The following ZC3H12B variants were observed in gnomAD, a reference collection of about 807,000 sequenced individuals.
ZC3H12B encodes the protein probable ribonuclease ZC3H12B.
Under a neutral mutation model 43.9 loss-of-function variants are expected in ZC3H12B, and 7 were observed. The observed-to-expected ratio is 0.16, with a 90% CI of 0.09 to 0.30. The LOEUF is 0.30. ZC3H12B is among the 10% of genes least tolerant of loss of function. ZC3H12B has a pLI of 1.00. For synonymous variants in ZC3H12B, 222 were observed against 241.7 expected (o/e 0.92, Z 0.76); for missense variants, 475 against 670.2 (o/e 0.71, Z 3.22).
the ZC3H12B span, among the ~76,000 whole-genome samples, chrX:65,064,891 A>G: frequency 9.0e-6 from 1 of 111,319 alleles, no homozygotes; most frequent in Non-Finnish European, 1.9e-5. Context: ...CTTTACCATT[A>G]CGTGTTGCCT....
chrX:65,224,910 G>A, the ZC3H12B span, among the ~76,000 whole-genome samples: 318 of 112,202 alleles, frequency 2.8e-3, no homozygotes, highest in Admixed American at 5.0e-3. Context: ...GCTCAAGGAG[G>A]CCTGCCTGCC....
At chrX:65,140,551 AT>A in the ZC3H12B span, among the ~76,000 whole-genome samples, 1 of 111,264 alleles carries the variant, frequency 9.0e-6, no homozygotes, top group African/African-American at 3.3e-5. Flanking sequence ...TTTGGCCATA[AT>A]TTTCTTTTCT....
the ZC3H12B span, among the ~76,000 whole-genome samples, chrX:65,143,514 C>T: frequency 9.2e-6 from 1 of 108,957 alleles, no homozygotes; most frequent in Admixed American, 9.9e-5. Context: ...GTATGTTAAA[C>T]CATCCCTGCA....
At chrX:65,405,877 TG>T (rs2066815516) in intron 3 of ZC3H12B, among the ~76,000 whole-genome samples, 1 of 111,653 alleles carries the variant, frequency 9.0e-6, no homozygotes, top group African/African-American at 3.3e-5. Context: ...TATATGCCAA[TG>T]AGTTGGAAAA....
intron 3 of ZC3H12B, among the ~76,000 whole-genome samples, chrX:65,464,493 G>A (rs781668983): frequency 9.0e-6 from 1 of 110,587 alleles, no homozygotes; most frequent in African/African-American, 3.3e-5. Context: ...CCTGATTTTA[G>A]TAATTTATGT....
the ZC3H12B span, among the ~76,000 whole-genome samples, chrX:65,153,711 C>G: frequency 9.0e-6 from 1 of 111,697 alleles, no homozygotes. Flanking sequence ...ACCATTTGAC[C>G]CATCCATCCC....
At chrX:65,190,447 A>G in the ZC3H12B span, among the ~76,000 whole-genome samples, 1 of 111,126 alleles carries the variant, frequency 9.0e-6, no homozygotes, top group African/African-American at 3.3e-5. Context: ...ATGTTCTTCC[A>G]TTTGTTTGTA....
intron 3 of ZC3H12B, among the ~76,000 whole-genome samples, chrX:65,448,105 G>A (rs909114520): frequency 4.5e-5 from 5 of 110,453 alleles, no homozygotes; most frequent in African/African-American, 6.6e-5. Context: ...TGTGGTGGTG[G>A]GCACCTGTAG....
chrX:65,499,816 T>C, intron 3 of ZC3H12B, 67 bp from the exon 9 acceptor site: 2 of 914,750 alleles, frequency 2.2e-6, no homozygotes, highest in Non-Finnish European at 3.2e-6. Flanking sequence ...GTAATGAAAA[T>C]CTGAACTCCT....
the ZC3H12B span, among the ~76,000 whole-genome samples, chrX:65,190,814 G>A: frequency 1.9e-5 from 2 of 104,649 alleles, no homozygotes; most frequent in East Asian, 6.0e-4. Flanking sequence ...TAATTGCCCT[G>A]GCCAGAACTT....
chrX:65,445,192 C>G (rs2067359447), intron 3 of ZC3H12B, among the ~76,000 whole-genome samples: 2 of 112,494 alleles, frequency 1.8e-5, no homozygotes, highest in African/African-American at 6.5e-5. Flanking sequence ...ATCTGTATCT[C>G]TCTGAAATTG....
At chrX:65,223,303 TAA>T in the ZC3H12B span, among the ~76,000 whole-genome samples, 1 of 100,395 alleles carries the variant, frequency 1.0e-5, no homozygotes. Context: ...GACGCCGTCT[TAA>T]AAAAAAAAAA....
chrX:65,231,078 A>G, the ZC3H12B span, among the ~76,000 whole-genome samples: 1 of 111,749 alleles, frequency 8.9e-6, no homozygotes, highest in Non-Finnish European at 1.9e-5. Flanking sequence ...AGAAATAAAA[A>G]GAAAGAGTAC....
chrX:65,497,350 T>C (rs756674087), intron 2 of ZC3H12B, 79 bp downstream of exon 7: 60 of 939,160 alleles, frequency 6.4e-5, no homozygotes, highest in Non-Finnish European at 8.2e-5. Flanking sequence ...CCAATTTAGA[T>C]ATTTATTTTT....
At chrX:65,119,131 G>A in the ZC3H12B span, among the ~76,000 whole-genome samples, 1 of 111,434 alleles carries the variant, frequency 9.0e-6, no homozygotes, top group Non-Finnish European at 1.9e-5. Flanking sequence ...TGTCTTTCTA[G>A]CAGCATGATT....
At chrX:65,502,745 A>G in exon 5 of ZC3H12B, 1 of 1,210,405 alleles carries the variant, frequency 8.3e-7, no homozygotes, top group South Asian at 1.8e-5. Flanking sequence ...CATGCCTCCC[A>G]ATATCCATCC....
At chrX:65,390,392 C>A (rs2066596452) in intron 2 of ZC3H12B, among the ~76,000 whole-genome samples, 1 of 109,831 alleles carries the variant, frequency 9.1e-6, no homozygotes, top group Non-Finnish European at 1.9e-5. Context: ...TACCCTAGAA[C>A]TTAAAGTATA....
At chrX:65,437,374 T>C (rs61531023) in intron 3 of ZC3H12B, among the ~76,000 whole-genome samples, 25,621 of 111,533 alleles carry the variant, frequency 0.23, 7,088 homozygotes, top group African/African-American at 0.79. Context: ...TAAGTTTTAA[T>C]TCCAACAAAT....
At chrX:65,111,150 C>A in the ZC3H12B span, among the ~76,000 whole-genome samples, 1 of 111,121 alleles carries the variant, frequency 9.0e-6, no homozygotes, top group African/African-American at 3.3e-5. Context: ...GGATTTTCTA[C>A]ATAGACGGTA....
Sources: allele counts gnomAD v4.1 joint callset (sites outside exome capture counted in the v4.1 genomes callset), GRCh38; gene constraint gnomAD v4.1.1; transcripts MANE v1.5; gene names NCBI Gene and HGNC (gene_info 2026-07-23, HGNC 2026-07-21).